TENM3: variants seen among roughly 807,000 people sequenced by gnomAD.
TENM3 encodes teneurin transmembrane protein 3, also known as teneurin-3.
Under a neutral mutation model 255.1 loss-of-function variants are expected in TENM3, and 63 were observed. That is an observed-to-expected ratio of 0.25 (90% CI 0.20 to 0.30). The LOEUF (loss-of-function observed/expected upper bound fraction) is 0.30. Ranked by LOEUF, TENM3 falls within the 10% of genes least tolerant of loss-of-function variation. The probability of loss-of-function intolerance (pLI) is 1.00; values close to 1 mark genes in which losing one functional copy is unlikely to be tolerated. For synonymous variants in TENM3, 1,306 were observed against 1,322.3 expected, an observed-to-expected ratio of 0.99 and a Z score of 0.27; for missense variants, 2,929 against 3,461.1, an observed-to-expected ratio of 0.85 and a Z score of 3.86.
At chr4:181,669,462 A>AC in the TENM3 span, among the ~76,000 whole-genome samples, 1 of 151,910 alleles carries the variant, frequency 6.6e-6, no homozygotes, top group African/African-American at 2.4e-5. Flanking sequence ...TACACAATAT[A>AC]CCCCCATGTC....
intron 1 of TENM3, among the ~76,000 whole-genome samples, chr4:182,155,017 G>A (rs1369595689): frequency 6.6e-6 from 1 of 152,070 alleles, no homozygotes; most frequent in African/African-American, 2.4e-5. Flanking sequence ...ATTGAAAATT[G>A]AAAATTAAGT....
chr4:182,725,494 A>G (rs1487679486), intron 13 of TENM3, among the ~76,000 whole-genome samples: 1 of 152,154 alleles, frequency 6.6e-6, no homozygotes, highest in African/African-American at 2.4e-5. Flanking sequence ...ATAGCATAGT[A>G]TAGTCTTTCT....
the TENM3 span, among the ~76,000 whole-genome samples, chr4:181,637,441 GAC>G: frequency 6.6e-6 from 1 of 152,154 alleles, no homozygotes; most frequent in African/African-American, 2.4e-5. Flanking sequence ...GCCAGAAAAT[GAC>G]ACACGTCACT....
chr4:181,879,994 G>A, the TENM3 span, among the ~76,000 whole-genome samples: 2 of 152,134 alleles, frequency 1.3e-5, no homozygotes, highest in Non-Finnish European at 1.5e-5. Flanking sequence ...CATAGTCAAT[G>A]GGGATGGGAT....
chr4:181,565,557 GACGAGGGC>G, the TENM3 span, among the ~76,000 whole-genome samples: 1 of 152,192 alleles, frequency 6.6e-6, no homozygotes, highest in African/African-American at 2.4e-5. Context: ...CAGGGATGCG[GACGAGGGC>G]ACGCAGCAAA....
intron 24 of TENM3, among the ~76,000 whole-genome samples, chr4:182,776,564 C>G (rs1764706983): frequency 1.3e-5 from 2 of 152,152 alleles, no homozygotes; most frequent in Admixed American, 1.3e-4. Flanking sequence ...AATACTTTGT[C>G]CAGAAACTGA....
rs761492380 is a variant in TENM3 at position 182,628,684 on chromosome 4, G to A, written c.783G>A (p.Thr261=). The change falls in exon 5 of 28, where the codon ACG becomes ACA. Residue 261 remains threonine, a synonymous_variant. Transcript: ENST00000511685. ...HFLFKTGTGT[T]PLFSTATPGY... is the part of the protein sequence containing the mutation. Reference sequence around the variant, plus strand: ...TATTCAAAACAGGAACAGGTACAACGCCACTGTTCAGTACTGCAACCCCAG... The same window carrying A: ...TATTCAAAACAGGAACAGGTACAACACCACTGTTCAGTACTGCAACCCCAG... The A allele has an allele frequency of 2.0e-5, 32 of 1,601,500 alleles. No homozygotes were observed. The highest frequency in any genetic ancestry group is 6.8e-5 in the South Asian group (6 of 88,524).
intron 4 of TENM3, among the ~76,000 whole-genome samples, chr4:182,619,588 T>C (rs1330199748): frequency 1.3e-5 from 2 of 152,234 alleles, no homozygotes; most frequent in East Asian, 3.9e-4. Context: ...ATATATGTTT[T>C]AGTTTCTACA....
intron 1 of TENM3, among the ~76,000 whole-genome samples, chr4:182,204,711 T>C (rs1754432944): frequency 6.6e-6 from 1 of 152,190 alleles, no homozygotes; most frequent in Non-Finnish European, 1.5e-5. Context: ...CCTGATAGCC[T>C]TTTCCTGTGA....
intron 3 of TENM3, among the ~76,000 whole-genome samples, chr4:182,464,073 A>G (rs904170703): frequency 2.0e-5 from 3 of 152,232 alleles, no homozygotes; most frequent in Admixed American, 2.0e-4. Flanking sequence ...TTTTATAAAC[A>G]TATATAATTG....
chr4:181,796,522 G>A, the TENM3 span, among the ~76,000 whole-genome samples: 10 of 152,258 alleles, frequency 6.6e-5, no homozygotes, highest in African/African-American at 1.2e-4. Context: ...GGCAGAGGGC[G>A]CAGCACAGAT....
chr4:182,098,520 C>A, the TENM3 span, among the ~76,000 whole-genome samples: 2 of 152,090 alleles, frequency 1.3e-5, no homozygotes, highest in African/African-American at 2.4e-5. Flanking sequence ...GAATGAAATC[C>A]GGTCATTTGC....
At chr4:182,257,249 A>G in intron 1 of TENM3, among the ~76,000 whole-genome samples, 1 of 152,188 alleles carries the variant, frequency 6.6e-6, no homozygotes, top group Non-Finnish European at 1.5e-5. Context: ...CCACCCATTG[A>G]GAACCTCTGC....
At chr4:181,659,422 G>A in the TENM3 span, among the ~76,000 whole-genome samples, 2 of 152,130 alleles carry the variant, frequency 1.3e-5, no homozygotes, top group African/African-American at 4.8e-5. Flanking sequence ...CTCTCTTGGG[G>A]TTTGAATCAT....
chr4:182,239,314 A>T (rs1464396258), upstream of TENM3, among the ~76,000 whole-genome samples: 2 of 151,984 alleles, frequency 1.3e-5, no homozygotes, highest in African/African-American at 2.4e-5. Flanking sequence ...TTGACCTCAA[A>T]TGATCTGCCT....
At chr4:181,585,171 A>T in the TENM3 span, among the ~76,000 whole-genome samples, 1 of 152,098 alleles carries the variant, frequency 6.6e-6, no homozygotes. Context: ...TAAAAAAAAA[A>T]TTACTTTAGG....
intron 3 of TENM3, among the ~76,000 whole-genome samples, chr4:182,576,107 C>A (rs192246914): frequency 6.6e-6 from 1 of 152,140 alleles, no homozygotes; most frequent in African/African-American, 2.4e-5. Context: ...GATATTTATT[C>A]GGTAGATTTT....
At chr4:181,916,385 C>G in the TENM3 span, among the ~76,000 whole-genome samples, 1 of 152,056 alleles carries the variant, frequency 6.6e-6, no homozygotes, top group East Asian at 1.9e-4. Flanking sequence ...TACGTAAAAC[C>G]GGCTAATAAA....
chr4:181,621,561 A>C, the TENM3 span, among the ~76,000 whole-genome samples: 1 of 152,156 alleles, frequency 6.6e-6, no homozygotes. Flanking sequence ...TAGCCTCCTG[A>C]CAGTGAAAAC....
Sources: gnomAD v4.1 joint callset for allele counts (sites outside exome capture counted in the v4.1 genomes callset) on GRCh38, gnomAD v4.1.1 for gene constraint, MANE v1.5 for transcripts, NCBI Gene and HGNC (gene_info 2026-07-23, HGNC 2026-07-21) for gene names.